The following RAB30 variants were observed in gnomAD, a reference collection of about 807,000 sequenced individuals.
RAB30 encodes the protein RAB30, member RAS oncogene family.
Under a neutral mutation model 25.1 loss-of-function variants are expected in RAB30, and 9 were observed. That is an observed-to-expected ratio of 0.36 (90% confidence interval 0.22 to 0.63). The LOEUF (loss-of-function observed/expected upper bound fraction) is 0.63. Among genes scored for constraint, RAB30 ranks in the 20% least tolerant of loss-of-function variants. The pLI, the probability that RAB30 is intolerant of heterozygous loss-of-function variation, is 0.69. For synonymous variants in RAB30, 77 were observed against 86.4 expected (o/e 0.89, Z 0.60); for missense variants, 140 against 243.5 (o/e 0.58, Z 2.83).
In RAB30 at chr11:82,996,583, T is replaced by C. The variant is rs552493324; in HGVS notation, c.93+641A>G. Among the ~76,000 whole-genome samples the C allele has an allele frequency of 8.5e-5, 13 of 152,352 alleles. No homozygotes were observed. The South Asian group carries it at 1.2e-3, about 15-fold the overall frequency. Reference sequence around the variant, plus strand: ...GAATGATTTCTATATAAAAGCAGTATATAATCTCCAGCAGTGATTCTCAAA... The same window carrying C: ...GAATGATTTCTATATAAAAGCAGTACATAATCTCCAGCAGTGATTCTCAAA... On this transcript the variant is annotated intron_variant, in intron 2 of 4. Transcript: ENST00000527633.
At chr11:83,037,548 C>A (rs1409671331) in intron 1 of RAB30, among the ~76,000 whole-genome samples, 1 of 152,086 alleles carries the variant, frequency 6.6e-6, no homozygotes, top group Non-Finnish European at 1.5e-5. Context: ...CTGGACCCAG[C>A]CGAATGAATT....
chr11:83,030,780 C>A (rs148128845), intron 1 of RAB30, among the ~76,000 whole-genome samples: 216 of 146,896 alleles, frequency 1.5e-3, no homozygotes, highest in Middle Eastern at 0.014. Context: ...CTGGGCAACA[C>A]AGCAAGACTC....
intron 1 of RAB30, among the ~76,000 whole-genome samples, chr11:83,023,524 C>T (rs1008084156): frequency 6.6e-6 from 1 of 152,110 alleles, no homozygotes; most frequent in South Asian, 2.1e-4. Context: ...GTGCTACTGC[C>T]GTGGGTCAGA....
At chr11:83,070,664 C>A (rs890652560) in intron 1 of RAB30, among the ~76,000 whole-genome samples, 13 of 152,112 alleles carry the variant, frequency 8.5e-5, no homozygotes, top group Non-Finnish European at 1.6e-4. Flanking sequence ...ATCCCTATAA[C>A]TCTTACAAGA....
intron 1 of RAB30, among the ~76,000 whole-genome samples, chr11:83,038,005 A>T (rs1032522700): frequency 6.6e-6 from 1 of 152,116 alleles, no homozygotes; most frequent in Non-Finnish European, 1.5e-5. Flanking sequence ...CTGCCTTGGG[A>T]GTGGGAGAGG....
chr11:82,983,523 G>A (rs760512932), intron 4 of RAB30, among the ~76,000 whole-genome samples: 2 of 152,074 alleles, frequency 1.3e-5, no homozygotes, highest in Non-Finnish European at 2.9e-5. Flanking sequence ...TCCACCTCCT[G>A]GGCTCAAGCC....
At chr11:82,994,911 C>T (rs759106138) in intron 2 of RAB30, among the ~76,000 whole-genome samples, 7 of 152,172 alleles carry the variant, frequency 4.6e-5, no homozygotes, top group Non-Finnish European at 1.0e-4. Flanking sequence ...CTCTCTGGGC[C>T]TCAAATTCAA....
At chr11:83,024,024 C>A (rs1026337249) in intron 1 of RAB30, among the ~76,000 whole-genome samples, 2 of 152,186 alleles carry the variant, frequency 1.3e-5, no homozygotes, top group Non-Finnish European at 2.9e-5. Context: ...ACTTATAAGA[C>A]TATCTACTCC....
intron 2 of RAB30, among the ~76,000 whole-genome samples, chr11:82,996,059 C>T (rs1856950325): frequency 3.9e-5 from 6 of 152,200 alleles, no homozygotes; most frequent in Admixed American, 3.9e-4. Flanking sequence ...CAATATATCT[C>T]CATGGCAGTT....
intron 2 of RAB30, among the ~76,000 whole-genome samples, chr11:82,994,999 A>G (rs1294897261): frequency 6.6e-6 from 1 of 152,272 alleles, no homozygotes; most frequent in Non-Finnish European, 1.5e-5. Context: ...TTAACCAGAA[A>G]GATGAGATTT....
At chr11:83,065,584 A>G (rs1459891727) in intron 1 of RAB30, among the ~76,000 whole-genome samples, 1 of 152,136 alleles carries the variant, frequency 6.6e-6, no homozygotes, top group Non-Finnish European at 1.5e-5. Context: ...TAAGTTAAGC[A>G]TTTCTGGCAA....
rs750278773 is a variant in RAB30, at chr11:82,982,172, A to G, written c.605T>C (p.Phe202Ser). 58 of 1,614,030 alleles carry G rather than the reference A, an allele frequency of 3.6e-5. No homozygotes were observed. In the Middle Eastern group the frequency reaches 6.6e-4, roughly 18 times the overall value. ...KSISYLTCCN[F>S]N is the part of the protein sequence containing the mutation. ...TTCTCCGTGCCTCAGCCTTTAGTTG[A>G]AATTACAACAAGTCAAATAGCTGAT... Residue 202 changes from phenylalanine (F) to serine (S), a missense_variant, in exon 5 of 5, where the codon TTC (phenylalanine) becomes TCC (serine). Coordinates refer to ENST00000527633, the MANE Select transcript of RAB30 (RefSeq NM_001286060.2).
At chr11:83,012,112 T>C (rs1044948610) in intron 1 of RAB30, among the ~76,000 whole-genome samples, 4 of 152,172 alleles carry the variant, frequency 2.6e-5, no homozygotes, top group African/African-American at 7.2e-5. Context: ...ATTATATGCA[T>C]GTCTTCCAAA....
chr11:83,042,655 TA>T (rs766707921), intron 1 of RAB30, among the ~76,000 whole-genome samples: 22 of 152,216 alleles, frequency 1.4e-4, no homozygotes, highest in African/African-American at 5.3e-4. Context: ...TGATTCCACT[TA>T]GCATCACTAA....
chr11:82,984,937 CAAT>C (rs1479289921), intron 4 of RAB30, among the ~76,000 whole-genome samples: 1 of 152,142 alleles, frequency 6.6e-6, no homozygotes, highest in African/African-American at 2.4e-5. Flanking sequence ...ATGGGAGCAT[CAAT>C]AATAATAATT....
intron 1 of RAB30, among the ~76,000 whole-genome samples, chr11:83,066,145 A>T (rs1858691021): frequency 6.6e-6 from 1 of 152,228 alleles, no homozygotes; most frequent in African/African-American, 2.4e-5. Context: ...TTGGAGATGG[A>T]TCACATTTCC....
intron 1 of RAB30, among the ~76,000 whole-genome samples, chr11:83,021,924 C>T (rs1478700514): frequency 6.6e-6 from 1 of 152,230 alleles, no homozygotes; most frequent in African/African-American, 2.4e-5. Flanking sequence ...ATCTCTCCAA[C>T]AAGATGTTCT....
intron 1 of RAB30, among the ~76,000 whole-genome samples, chr11:83,054,322 A>C (rs1282339888): frequency 1.3e-5 from 2 of 152,150 alleles, no homozygotes; most frequent in Non-Finnish European, 2.9e-5. Flanking sequence ...TTAGCCTACA[A>C]TCTCCTTATA....
At chr11:83,003,873 A>G (rs1049268657) in intron 1 of RAB30, among the ~76,000 whole-genome samples, 1 of 152,214 alleles carries the variant, frequency 6.6e-6, no homozygotes, top group South Asian at 2.1e-4. Flanking sequence ...ATGGTCTGCA[A>G]ATAGAACCGA....
Sources: allele counts gnomAD v4.1 joint callset (sites outside exome capture counted in the v4.1 genomes callset), GRCh38; gene constraint gnomAD v4.1.1; transcripts MANE v1.5; gene names NCBI Gene and HGNC (gene_info 2026-07-23, HGNC 2026-07-21).